The following TSPAN10 variants were observed in gnomAD, a reference collection of about 807,000 sequenced individuals.
The protein encoded by TSPAN10 is tetraspanin 10.
TSPAN10 carries 11 observed loss-of-function variants against 15.0 expected under a neutral mutation model. That is an observed-to-expected ratio of 0.73 (90% CI 0.46 to 1.21). The LOEUF is 1.21. Among genes scored for constraint, TSPAN10 ranks in the 50% most tolerant of loss-of-function variants. The pLI is 0.00. For synonymous variants in TSPAN10, 241 were observed against 226.2 expected (o/e 1.07, Z -0.59); for missense variants, 486 against 470.6 (o/e 1.03, Z -0.30).
chr17:81,648,167 GGCTACTCGGGGCCCTCGCTGCCC>G lies in TSPAN10; in HGVS notation c.944_966del (p.Leu315GlnfsTer?). The G allele has an allele frequency of 6.9e-7, 1 of 1,448,162 alleles. No individual in the cohort carries two copies. 89.7% of individuals were successfully genotyped at this position (1,448,162 alleles called of 1,614,324 possible). A position where few individuals can be genotyped will look rare whatever the true frequency, so the allele number is the denominator to read the frequency against. On this transcript the variant is annotated frameshift_variant, in exon 3 of 3. Coordinates refer to ENST00000611590, the Ensembl canonical transcript of TSPAN10. LOFTEE classifies it low-confidence loss of function (END_TRUNC). ...GGCGCGGAGCTCCTGCTGGCCGCCC[GGCTACTCGGGGCCCTCGCTGCCC>G]GCAGGGGGGCGGCGTACGGCCCCGG...
upstream of TSPAN10, chr17:81,642,372 C>T: frequency 6.2e-7 from 1 of 1,613,042 alleles, no homozygotes; most frequent in South Asian, 1.1e-5. Context: ...GCGAACCTCT[C>T]CCGGCGCCTG....
chr17:81,645,339 G>GC lies in TSPAN10; in HGVS notation c.385dup (p.Leu129ProfsTer17). The stretch of plus-strand genomic sequence containing the variant: ...CCATGCTGGGGCTGGCACTGGGAGG[G>GC]CTGGTGGTCAGCGCAGTGAGCCTGG... On this transcript the variant is annotated frameshift_variant, in exon 2 of 3. Transcript: ENST00000611590. LOFTEE classifies it high-confidence loss of function. 2 of 1,572,054 alleles carry GC rather than the reference G, an allele frequency of 1.3e-6. No homozygotes were observed. Among genetic ancestry groups the GC allele is most frequent in the Non-Finnish European group, 1.7e-6 (2 of 1,162,392 alleles).
upstream of TSPAN10, among the ~76,000 whole-genome samples, chr17:81,639,485 C>A (rs959340853): frequency 3.3e-5 from 5 of 151,902 alleles, no homozygotes; most frequent in African/African-American, 1.2e-4. Flanking sequence ...GGATTATAGG[C>A]ATGAGCCACC....
intron 1 of TSPAN10, among the ~76,000 whole-genome samples, chr17:81,643,544 G>A (rs2036202027): frequency 2.4e-5 from 1 of 41,466 alleles, no homozygotes; most frequent in South Asian, 1.8e-3. Context: ...CCGGGAGGCG[G>A]AGCTTGCAGT....
At chr17:81,639,458 A>G (rs1482010140), upstream of TSPAN10, among the ~76,000 whole-genome samples, 2 of 151,732 alleles carry the variant, frequency 1.3e-5, no homozygotes, top group Non-Finnish European at 2.9e-5. Context: ...CACCCGCCTC[A>G]GCCTCCCAAA....
intron 1 of TSPAN10, among the ~76,000 whole-genome samples, chr17:81,644,645 G>A (rs559333937): frequency 1.2e-4 from 19 of 152,322 alleles, no homozygotes; most frequent in South Asian, 4.1e-4. Flanking sequence ...CGGGGAGGCC[G>A]CAGACACCCA....
At chr17:81,640,828 G>A (rs1433824428), upstream of TSPAN10, among the ~76,000 whole-genome samples, 1 of 152,110 alleles carries the variant, frequency 6.6e-6, no homozygotes, top group African/African-American at 2.4e-5. Context: ...GAATGTAAGG[G>A]GCACAATTCA....
upstream of TSPAN10, among the ~76,000 whole-genome samples, chr17:81,641,593 AC>A (rs1174121895): frequency 7.0e-6 from 1 of 143,854 alleles, no homozygotes; most frequent in Non-Finnish European, 1.5e-5. Flanking sequence ...GTGCTGCACC[AC>A]CCAGACCACC....
intron 2 of TSPAN10, 76 bp downstream of exon 3, chr17:81,645,705 A>C: frequency 6.4e-7 from 1 of 1,550,886 alleles, no homozygotes; most frequent in Non-Finnish European, 8.8e-7. Context: ...GTGTACACAC[A>C]GTCACTCACA....
chr17:81,642,306 G>A, upstream of TSPAN10: 1 of 1,377,164 alleles, frequency 7.3e-7, no homozygotes, highest in Non-Finnish European at 1.0e-6. Flanking sequence ...ACTGTTCACA[G>A]ACTAGCCCAG....
exon 2 of TSPAN10, chr17:81,645,552 G>A (rs2036240068): frequency 1.2e-6 from 2 of 1,610,030 alleles, no homozygotes; most frequent in African/African-American, 1.3e-5. Flanking sequence ...ACCCAGACCT[G>A]CGCTTCCTCC....
chr17:81,639,200 C>CTTTTTTTTTTTTTTTTTTTTT (rs757994889), upstream of TSPAN10: 7 of 115,252 alleles, frequency 6.1e-5, 1 homozygote, highest in Non-Finnish European at 6.6e-5. Flanking sequence ...TTTGGAATTA[C>CTTTTTTTTTTTTTTTTTTTTT]TTTTCTTTTT....
At chr17:81,647,549 A>G (rs1327520996) in intron 2 of TSPAN10, 2 of 549,344 alleles carry the variant, frequency 3.6e-6, no homozygotes, top group South Asian at 3.1e-5. Flanking sequence ...CCCTGCTCCA[A>G]CTCTACCTTC....
upstream of TSPAN10, chr17:81,637,485 A>C (rs61252917): frequency 0.049 from 33,019 of 680,290 alleles, 1,776 homozygotes; most frequent in East Asian, 0.25. Flanking sequence ...AATTTAACAT[A>C]AGAAAAACAA....
upstream of TSPAN10, chr17:81,637,506 A>C (rs1335122546): frequency 1.2e-4 from 75 of 649,800 alleles, no homozygotes; most frequent in South Asian, 1.2e-3. Flanking sequence ...ACGAGTTTAA[A>C]CTGCATTTCA....
intron 2 of TSPAN10, chr17:81,646,692 G>A (rs73371226): frequency 0.49 from 67,512 of 137,972 alleles, 18,856 homozygotes; most frequent in East Asian, 0.95. Context: ...AAAAAAAAAA[G>A]AAAAGAAAAT....
chr17:81,637,527 G>C (rs780375846), upstream of TSPAN10: 10 of 619,982 alleles, frequency 1.6e-5, no homozygotes, highest in Non-Finnish European at 1.5e-5. Context: ...GGCCGGGCGC[G>C]GTGGCTCATA....
At chr17:81,642,307 A>T (rs763622487), upstream of TSPAN10, 16 of 1,371,890 alleles carry the variant, frequency 1.2e-5, no homozygotes, top group Non-Finnish European at 1.7e-5. Flanking sequence ...CTGTTCACAG[A>T]CTAGCCCAGG....
At chr17:81,645,094 T>G in exon 2 of TSPAN10, 1 of 1,591,634 alleles carries the variant, frequency 6.3e-7, no homozygotes, top group East Asian at 2.2e-5. Flanking sequence ...GGGCTGCAGC[T>G]GCTGTCCCCC....
Sources: gnomAD v4.1 joint callset for allele counts (sites outside exome capture counted in the v4.1 genomes callset) on GRCh38, gnomAD v4.1.1 for gene constraint, MANE v1.5 for transcripts, NCBI Gene and HGNC (gene_info 2026-07-23, HGNC 2026-07-21) for gene names.